LRRC9: variants seen among roughly 807,000 people sequenced by gnomAD.
LRRC9 encodes the protein leucine-rich repeat-containing protein 9.
Under a neutral mutation model 63.2 loss-of-function variants are expected in LRRC9, and 122 were observed. The observed-to-expected ratio is 1.93, with a 90% CI of 1.67 to 2.24. LRRC9 has a LOEUF of 2.24. LRRC9 is among the 30% of genes most tolerant of loss of function. The pLI, the probability that LRRC9 is intolerant of heterozygous loss-of-function variation, is 0.00. For synonymous variants in LRRC9, 366 were observed against 213.1 expected, an observed-to-expected ratio of 1.72 and a Z score of -6.25; for missense variants, 1,071 against 627.7, an observed-to-expected ratio of 1.71 and a Z score of -7.55.
At chr14:59,989,993 T>G (rs1017966435) in intron 17 of LRRC9, among the ~76,000 whole-genome samples, 1 of 149,538 alleles carries the variant, frequency 6.7e-6, no homozygotes, top group East Asian at 2.0e-4. Flanking sequence ...AGTGGCGCAA[T>G]CTCGGCTCAC....
chr14:59,921,957 G>A (rs764258197), intron 1 of LRRC9, among the ~76,000 whole-genome samples: 25 of 151,918 alleles, frequency 1.6e-4, no homozygotes, highest in Middle Eastern at 3.4e-3. Flanking sequence ...GATGGCACGC[G>A]CCTGTAGTGC....
chr14:60,040,837 G>T (rs1407566020), intron 29 of LRRC9, among the ~76,000 whole-genome samples: 1 of 151,950 alleles, frequency 6.6e-6, no homozygotes, highest in East Asian at 1.9e-4. Context: ...ATCAGTTGAT[G>T]CTGTTTCTTC....
rs1156914712 is a variant in LRRC9, at chr14:60,019,891, A to G, written c.3566+631A>G. ...ATATATATGATATATATATTTTATA[A>G]CGTGTATCTCCAAATCAGAATGCTT... On this transcript the variant is annotated intron_variant, in intron 26 of 31. Coordinates refer to ENST00000445360, the Ensembl canonical transcript of LRRC9. Among the ~76,000 whole-genome samples the G allele has an allele frequency of 2.6e-5, 4 of 151,334 alleles. No individual in the cohort carries two copies. The East Asian group carries it at 7.7e-4, about 29-fold the overall frequency.
chr14:60,009,357 G>A (rs1301464125), intron 23 of LRRC9, among the ~76,000 whole-genome samples: 10 of 152,176 alleles, frequency 6.6e-5, no homozygotes, highest in Non-Finnish European at 5.9e-5. Context: ...GAAGCGTAAA[G>A]TCATGTCTTA....
chr14:60,061,744 G>A (rs1183853081), intron 31 of LRRC9, among the ~76,000 whole-genome samples: 1 of 152,172 alleles, frequency 6.6e-6, no homozygotes, highest in Non-Finnish European at 1.5e-5. Flanking sequence ...ATTACAGCAT[G>A]CAGGTTTGGA....
chr14:59,952,082 G>A (rs1446807874), intron 8 of LRRC9, among the ~76,000 whole-genome samples: 3 of 152,096 alleles, frequency 2.0e-5, no homozygotes, highest in African/African-American at 7.2e-5. Context: ...GGCAATGGCA[G>A]GCGCCCCTCC....
chr14:60,012,608 T>C (rs1246772541), intron 23 of LRRC9, among the ~76,000 whole-genome samples: 4 of 152,236 alleles, frequency 2.6e-5, no homozygotes, highest in African/African-American at 9.6e-5. Context: ...AAATAGATTG[T>C]CAAACAATAG....
chr14:59,989,873 T>C (rs1271422854), intron 17 of LRRC9, among the ~76,000 whole-genome samples: 1 of 152,094 alleles, frequency 6.6e-6, no homozygotes, highest in Non-Finnish European at 1.5e-5. Context: ...TTGTAATGCT[T>C]ACTCTGAGAT....
Position 60,061,648 on chromosome 14 carries a change from C to T in LRRC9, c.4277-1675C>T, listed in dbSNP as rs80323357. The stretch of plus-strand genomic sequence containing the variant: ...GTTAGTTTCTTCAAGATTTGTTATG[C>T]GCTGAAAAAGTCCTACAATCTCTTT... On this transcript the variant is annotated intron_variant, in intron 31 of 31. Transcript: ENST00000445360. Among the ~76,000 whole-genome samples, 315 of 152,224 alleles carry T rather than the reference C, an allele frequency of 2.1e-3. 1 individual carries two copies. Among genetic ancestry groups the T allele is most frequent in the African/African-American group, 7.2e-3 (301 of 41,538 alleles).
At chr14:60,012,854 C>T (rs993539179) in intron 23 of LRRC9, among the ~76,000 whole-genome samples, 1 of 151,996 alleles carries the variant, frequency 6.6e-6, no homozygotes, top group African/African-American at 2.4e-5. Flanking sequence ...TCATATGTTG[C>T]TTGTATAATT....
chr14:59,971,436 T>C (rs1402448203), intron 12 of LRRC9, among the ~76,000 whole-genome samples: 1 of 152,050 alleles, frequency 6.6e-6, no homozygotes, highest in African/African-American at 2.4e-5. Context: ...TCCATTTGAG[T>C]TGTAAAATAG....
intron 3 of LRRC9, among the ~76,000 whole-genome samples, chr14:59,928,960 A>T (rs192487032): frequency 6.6e-6 from 1 of 152,274 alleles, no homozygotes; most frequent in Admixed American, 6.5e-5. Context: ...AAAACCCAAT[A>T]TAAAAACCCT....
In LRRC9 at chr14:60,051,530, A is replaced by T. The variant is rs1893891083; in HGVS notation, c.3991-1535A>T. 6.6e-6 allele frequency among the ~76,000 whole-genome samples: 1 copy of T among 152,092 alleles called. No homozygotes were observed. The highest frequency in any genetic ancestry group is 1.5e-5 in the Non-Finnish European group (1 of 68,002). On this transcript the variant is annotated intron_variant, in intron 29 of 31. Coordinates refer to ENST00000445360, the Ensembl canonical transcript of LRRC9. The surrounding 1 kb of genome is among the most constrained non-coding windows in gnomAD (Gnocchi z 4.7). ...TTTCAGGCAGACTCATCCTTCCCCCAGGAACTGCCTCTGGTTTCAGGCAGA... is the reference window on the plus strand; with the variant it reads ...TTTCAGGCAGACTCATCCTTCCCCCTGGAACTGCCTCTGGTTTCAGGCAGA...
At chr14:59,957,780 A>G (rs184555352) in intron 8 of LRRC9, among the ~76,000 whole-genome samples, 1 of 151,946 alleles carries the variant, frequency 6.6e-6, no homozygotes, top group Non-Finnish European at 1.5e-5. Flanking sequence ...TTTACCTTTG[A>G]TCTTTGAGGC....
At position 59,975,124 on chromosome 14, in the gene LRRC9, T is replaced by TAC. The variant is rs1886068659; in HGVS notation, c.1639+417_1639+418insCA. 1.8e-4 allele frequency among the ~76,000 whole-genome samples: 2 copies of TAC among 11,332 alleles called. 1 individual carries two copies. The highest frequency in any genetic ancestry group is 3.1e-4 in the African/African-American group (2 of 6,418). 7.4% of individuals were successfully genotyped at this position (11,332 alleles called of 152,430 possible). A position where few individuals can be genotyped will look rare whatever the true frequency, so the allele number is the denominator to read the frequency against. ...ATACATATATATATGTATATATATA[T>TAC]ATGTATATATATATACATATATATA... On this transcript the variant is annotated intron_variant, in intron 13 of 31. Transcript: ENST00000445360.
chr14:59,987,490 T>G (rs1413168152), intron 17 of LRRC9, among the ~76,000 whole-genome samples: 2 of 144,764 alleles, frequency 1.4e-5, no homozygotes, highest in Non-Finnish European at 3.1e-5. Context: ...ATTGATAGAT[T>G]TCCCTTCCAT....
chr14:60,008,427 G>C (rs1193182502), intron 23 of LRRC9, among the ~76,000 whole-genome samples: 2 of 152,090 alleles, frequency 1.3e-5, no homozygotes, highest in East Asian at 1.9e-4. Context: ...TGGAAAGGGA[G>C]GGCTGTGCTG....
chr14:59,998,407 A>G (rs1275440705), intron 18 of LRRC9, among the ~76,000 whole-genome samples: 1 of 152,018 alleles, frequency 6.6e-6, no homozygotes, highest in African/African-American at 2.4e-5. Context: ...AAATCTGAAC[A>G]TTATTTTTTC....
intron 28 of LRRC9, among the ~76,000 whole-genome samples, chr14:60,030,139 A>C (rs1332418926): frequency 6.6e-6 from 1 of 152,132 alleles, no homozygotes; most frequent in African/African-American, 2.4e-5. Flanking sequence ...AGGGACAATC[A>C]GATTGCAAAC....
Sources: gnomAD v4.1 joint callset for allele counts (sites outside exome capture counted in the v4.1 genomes callset) on GRCh38, gnomAD v4.1.1 for gene constraint, Gnocchi (gnomAD v3.1) non-coding constraint, MANE v1.5 for transcripts, NCBI Gene and HGNC (gene_info 2026-07-23, HGNC 2026-07-21) for gene names.